The following OSBPL1A variants were observed in gnomAD, a reference collection of about 807,000 sequenced individuals.
OSBPL1A encodes the protein oxysterol binding protein like 1A.
A neutral mutation model predicts 137.1 loss-of-function variants in OSBPL1A; 80 were observed. The ratio of observed to expected loss-of-function variants is 0.58; its 90% confidence interval spans 0.49 to 0.70. The LOEUF (loss-of-function observed/expected upper bound fraction) is 0.70. Among genes scored for constraint, OSBPL1A ranks in the 30% least tolerant of loss-of-function variants. OSBPL1A has a pLI of 0.00. For synonymous variants in OSBPL1A, 365 were observed against 389.7 expected, an observed-to-expected ratio of 0.94 and a Z score of 0.75; for missense variants, 970 against 1,129.4, an observed-to-expected ratio of 0.86 and a Z score of 2.02.
intron 4 of OSBPL1A, 61 bp from the exon 5 acceptor site, chr18:24,341,719 T>C (rs1201631704): frequency 1.1e-5 from 13 of 1,137,308 alleles, no homozygotes; most frequent in Admixed American, 2.0e-5. Flanking sequence ...TTACCACCCT[T>C]TTCCAAATTA....
intron 27 of OSBPL1A, among the ~76,000 whole-genome samples, chr18:24,164,368 G>C (rs2086090151): frequency 6.7e-6 from 1 of 148,340 alleles, no homozygotes. Context: ...TACACTCGTA[G>C]TGAAAATATA....
chr18:24,302,475 G>C (rs1249477267), intron 14 of OSBPL1A: 1 of 151,742 alleles, frequency 6.6e-6, no homozygotes, highest in African/African-American at 2.4e-5. Context: ...CCAGGCTGGA[G>C]TGCAGTGGCG....
At chr18:24,204,072 G>A (rs898492171) in intron 17 of OSBPL1A, among the ~76,000 whole-genome samples, 1 of 152,100 alleles carries the variant, frequency 6.6e-6, no homozygotes, top group Admixed American at 6.6e-5. Context: ...AAAACTGCTG[G>A]GTCAAGGAGT....
intron 15 of OSBPL1A, among the ~76,000 whole-genome samples, chr18:24,241,189 G>C (rs2088678103): frequency 6.6e-6 from 1 of 152,076 alleles, no homozygotes; most frequent in Admixed American, 6.5e-5. Flanking sequence ...GAAAACCTAG[G>C]CAATACCATT....
intron 7 of OSBPL1A, among the ~76,000 whole-genome samples, chr18:24,326,960 A>G (rs552364117): frequency 6.6e-6 from 1 of 152,268 alleles, no homozygotes; most frequent in Non-Finnish European, 1.5e-5. Context: ...TACAATTTTT[A>G]AAAAATGTTC....
Position 24,280,918 on chromosome 18 carries a change from T to C in OSBPL1A, c.1205A>G (p.Glu402Gly). ...TTCTCTAGAAGCTTCTGAGACAACT[T>C]CAACTTTCTGAAGAAATGATGGAAG... ...EMLPSFLQKV[E>G]VVSEASRETC... Residue 402 changes from glutamate to glycine, a missense_variant, in exon 15 of 28, where the codon GAA (glutamate) becomes GGA (glycine). Glu to Gly is a moderately conservative substitution (Grantham distance 98). This residue lies in a region of OSBPL1A where 647 missense variants were observed against 672.6 expected (regional missense o/e 0.96). Coordinates refer to ENST00000319481, the MANE Select transcript of OSBPL1A (RefSeq NM_080597.4). 1 of 1,606,834 alleles carries C rather than the reference T, an allele frequency of 6.2e-7. No individual in the cohort carries two copies. Among genetic ancestry groups the C allele is most frequent in the Admixed American group, 1.7e-5 (1 of 58,336 alleles).
At chr18:24,272,113 G>T (rs1481015931) in intron 15 of OSBPL1A, 7 of 983,562 alleles carry the variant, frequency 7.1e-6, no homozygotes, top group Non-Finnish European at 7.2e-6. Context: ...AAGCCTGCAC[G>T]GCCCTCCGAG....
intron 15 of OSBPL1A, among the ~76,000 whole-genome samples, chr18:24,274,257 C>T (rs915445331): frequency 2.1e-5 from 3 of 144,838 alleles, no homozygotes; most frequent in African/African-American, 2.6e-5. Flanking sequence ...AAAAAATTGA[C>T]GGGACTTGAT....
intron 4 of OSBPL1A, among the ~76,000 whole-genome samples, chr18:24,359,261 TG>T (rs1397930043): frequency 1.3e-5 from 2 of 149,358 alleles, no homozygotes; most frequent in African/African-American, 4.9e-5. Flanking sequence ...AGAGATATGG[TG>T]GGGGGCGGGA....
chr18:24,318,587 C>A lies in OSBPL1A; in HGVS notation c.732+14G>T, dbSNP rs749612155. 4 of 1,598,330 alleles carry A rather than the reference C, an allele frequency of 2.5e-6. No individual in the cohort carries two copies. Among genetic ancestry groups the A allele is most frequent in the Admixed American group, 1.7e-5 (1 of 57,476 alleles). On this transcript the variant is annotated intron_variant, in intron 9 of 27. Coordinates refer to ENST00000319481, the MANE Select transcript of OSBPL1A (RefSeq NM_080597.4). ...TCTTTACAGTTATATAATTAAAAAA[C>A]CACCTCAACTTACCTTCCAGAGAGG...
At chr18:24,182,405 C>T (rs886211146) in intron 18 of OSBPL1A, among the ~76,000 whole-genome samples, 1 of 152,194 alleles carries the variant, frequency 6.6e-6, no homozygotes, top group Non-Finnish European at 1.5e-5. Flanking sequence ...AAACTTCTAT[C>T]GACCATTCCC....
intron 4 of OSBPL1A, among the ~76,000 whole-genome samples, chr18:24,342,752 C>G (rs1465637221): frequency 6.6e-6 from 1 of 151,954 alleles, no homozygotes; most frequent in African/African-American, 2.4e-5. Flanking sequence ...ATCAATTTCC[C>G]TAGGCAAAAT....
chr18:24,351,347 CAAAAAA>C (rs1172514692), intron 4 of OSBPL1A, among the ~76,000 whole-genome samples: 2 of 35,774 alleles, frequency 5.6e-5, no homozygotes, highest in African/African-American at 2.0e-4. Context: ...GACTCTGTCT[CAAAAAA>C]AAAAAAAAAA....
chr18:24,178,382 C>A (rs537320402), intron 20 of OSBPL1A, among the ~76,000 whole-genome samples, 187 bp from the exon 21 acceptor site: 1 of 152,214 alleles, frequency 6.6e-6, no homozygotes, highest in African/African-American at 2.4e-5. Context: ...ACCCCTGCCT[C>A]CCAGGTTCAA....
intron 13 of OSBPL1A, among the ~76,000 whole-genome samples, chr18:24,306,591 G>A (rs2090505403): frequency 1.3e-5 from 2 of 152,136 alleles, no homozygotes; most frequent in African/African-American, 4.8e-5. Context: ...AACTGATCAT[G>A]CTTATAATGA....
intron 1 of OSBPL1A, among the ~76,000 whole-genome samples, chr18:24,383,950 A>G (rs1346910869): frequency 6.6e-6 from 1 of 152,244 alleles, no homozygotes; most frequent in Non-Finnish European, 1.5e-5. Context: ...GCCCTCCAGA[A>G]CAGGGCAAAC....
chr18:24,391,187 A>C (rs767389476), intron 1 of OSBPL1A, among the ~76,000 whole-genome samples: 1 of 152,222 alleles, frequency 6.6e-6, no homozygotes, highest in Non-Finnish European at 1.5e-5. Context: ...AATCACTCAC[A>C]AAAGGACAAA....
chr18:24,391,036 G>A (rs1907319460), intron 1 of OSBPL1A, among the ~76,000 whole-genome samples: 1 of 152,012 alleles, frequency 6.6e-6, no homozygotes, highest in Non-Finnish European at 1.5e-5. Context: ...GGAGGCAGGG[G>A]TTGCAGTGAG....
chr18:24,330,631 C>T (rs969837862), intron 7 of OSBPL1A, among the ~76,000 whole-genome samples: 7 of 151,750 alleles, frequency 4.6e-5, no homozygotes, highest in African/African-American at 1.5e-4. Flanking sequence ...GCTACAGGCA[C>T]GTGCCACCAC....
Sources: allele counts gnomAD v4.1 joint callset (sites outside exome capture counted in the v4.1 genomes callset), GRCh38; gene constraint gnomAD v4.1.1; regional missense constraint gnomAD v4.1.1; transcripts MANE v1.5; gene names NCBI Gene and HGNC (gene_info 2026-07-23, HGNC 2026-07-21).